The following CTNNA3 variants were observed in gnomAD, a reference collection of about 807,000 sequenced individuals.
The protein encoded by CTNNA3 is catenin alpha-3.
A neutral mutation model predicts 95.7 loss-of-function variants in CTNNA3; 76 were observed. That is an observed-to-expected ratio of 0.79 (90% confidence interval 0.66 to 0.96). The LOEUF (loss-of-function observed/expected upper bound fraction) is 0.96. Ranked by LOEUF, CTNNA3 falls within the 40% of genes least tolerant of loss-of-function variation. The pLI, the probability that CTNNA3 is intolerant of heterozygous loss-of-function variation, is 0.00. For synonymous variants in CTNNA3, 431 were observed against 374.4 expected (o/e 1.15, Z -1.74); for missense variants, 1,191 against 1,089.8 (o/e 1.09, Z -1.31).
At chr10:66,105,563 T>A (rs2081860786) in intron 13 of CTNNA3, among the ~76,000 whole-genome samples, 1 of 152,228 alleles carries the variant, frequency 6.6e-6, no homozygotes. Context: ...CCAAATAAAG[T>A]AACAAACTAA....
At position 67,116,748 on chromosome 10, in the gene CTNNA3, T is replaced by C. The variant is rs551633072; in HGVS notation, c.1047+63569A>G. ...TATATATATATATATATATATAATA[T>C]ATAAAATATGCTTTATGATTTTGTT... is the stretch of plus-strand genomic sequence containing the variant. On this transcript the variant is annotated intron_variant, in intron 7 of 17. Transcript: ENST00000433211. Among the ~76,000 whole-genome samples, 199 of 147,604 alleles carry C rather than the reference T, an allele frequency of 1.3e-3. 1 individual carries two copies. Among genetic ancestry groups the C allele is most frequent in the Non-Finnish European group, 2.7e-3 (180 of 67,068 alleles).
At chr10:65,934,352 C>A (rs2077302875) in intron 17 of CTNNA3, among the ~76,000 whole-genome samples, 1 of 152,090 alleles carries the variant, frequency 6.6e-6, no homozygotes, top group African/African-American at 2.4e-5. Context: ...TCACATCACA[C>A]CCATGTTCAA....
At chr10:67,275,282 C>T (rs145133320) in intron 5 of CTNNA3, among the ~76,000 whole-genome samples, 31 of 152,234 alleles carry the variant, frequency 2.0e-4, no homozygotes, top group Middle Eastern at 3.4e-3. Context: ...AATAACCACA[C>T]GTGCACACAT....
chr10:66,150,575 T>C (rs1473490156), intron 13 of CTNNA3, among the ~76,000 whole-genome samples: 2 of 152,026 alleles, frequency 1.3e-5, no homozygotes, highest in African/African-American at 4.8e-5. Context: ...GCATACGATG[T>C]GTAATGATCA....
At chr10:67,154,374 A>G (rs766187) in intron 7 of CTNNA3, among the ~76,000 whole-genome samples, 96,086 of 151,960 alleles carry the variant, frequency 0.63, 31,593 homozygotes, top group African/African-American at 0.82. Context: ...CATATTTCAG[A>G]GAGGAGATGG....
intron 8 of CTNNA3, among the ~76,000 whole-genome samples, chr10:66,768,315 C>T (rs1839947024): frequency 6.6e-6 from 1 of 152,006 alleles, no homozygotes; most frequent in African/African-American, 2.4e-5. Flanking sequence ...CATGAAGGGC[C>T]AGCATATGGG....
intron 7 of CTNNA3, among the ~76,000 whole-genome samples, chr10:67,010,894 T>C (rs1480653187): frequency 2.0e-5 from 3 of 152,200 alleles, no homozygotes; most frequent in East Asian, 3.8e-4. Context: ...TAACATTATT[T>C]CTTCTAAACC....
intron 7 of CTNNA3, among the ~76,000 whole-genome samples, chr10:66,907,117 CTGTT>C (rs1186895597): frequency 7.9e-5 from 12 of 152,152 alleles, no homozygotes; most frequent in South Asian, 2.1e-4. Context: ...AAATGTATCT[CTGTT>C]CATTCTGTCC....
intron 7 of CTNNA3, among the ~76,000 whole-genome samples, chr10:66,986,555 T>C (rs754495658): frequency 1.3e-5 from 2 of 152,040 alleles, no homozygotes; most frequent in African/African-American, 2.4e-5. Flanking sequence ...AAACAATACA[T>C]TGAAAAAACT....
At chr10:66,755,574 A>C (rs988740783) in intron 9 of CTNNA3, among the ~76,000 whole-genome samples, 8 of 152,150 alleles carry the variant, frequency 5.3e-5, no homozygotes, top group Admixed American at 2.6e-4. Flanking sequence ...AAAAATTATC[A>C]ATACGAAATA....
At chr10:67,245,944 C>T (rs760008162) in intron 5 of CTNNA3, among the ~76,000 whole-genome samples, 43 of 152,020 alleles carry the variant, frequency 2.8e-4, no homozygotes, top group Middle Eastern at 3.4e-3. Context: ...CTTCCTGCTC[C>T]CTTTTGGCTC....
At chr10:67,097,004 T>G (rs1858032347) in intron 7 of CTNNA3, among the ~76,000 whole-genome samples, 1 of 151,950 alleles carries the variant, frequency 6.6e-6, no homozygotes. Flanking sequence ...AATTCTCTTC[T>G]GCAATGGTTA....
intron 7 of CTNNA3, among the ~76,000 whole-genome samples, chr10:66,896,841 A>C (rs930057927): frequency 6.6e-6 from 1 of 152,122 alleles, no homozygotes; most frequent in African/African-American, 2.4e-5. Flanking sequence ...ATTCTGTAGG[A>C]GTCGGCTCAA....
chr10:65,943,156 T>A (rs2601756), intron 17 of CTNNA3, among the ~76,000 whole-genome samples: 19 of 151,406 alleles, frequency 1.3e-4, no homozygotes, highest in Non-Finnish European at 1.6e-4. Flanking sequence ...CTCCGCCTCC[T>A]GGGCTCACGC....
At chr10:66,750,824 G>A (rs1186519686) in intron 9 of CTNNA3, among the ~76,000 whole-genome samples, 1 of 152,192 alleles carries the variant, frequency 6.6e-6, no homozygotes, top group East Asian at 1.9e-4. Flanking sequence ...TGACAATACT[G>A]AGTTTTCCTG....
intron 11 of CTNNA3, among the ~76,000 whole-genome samples, chr10:66,409,378 T>A (rs556110244): frequency 1.6e-4 from 24 of 150,802 alleles, no homozygotes; most frequent in Non-Finnish European, 3.1e-4. Flanking sequence ...AATCTAATTC[T>A]ACAGAGAATT....
intron 7 of CTNNA3, among the ~76,000 whole-genome samples, chr10:67,006,029 A>T (rs182163037): frequency 2.0e-5 from 3 of 152,006 alleles, no homozygotes; most frequent in African/African-American, 7.2e-5. Context: ...ATTATTCAGC[A>T]TCTTATCTCA....
rs1470909616 is a variant in CTNNA3 at position 66,374,604 on chromosome 10, GCCTT to G, written c.1732+4544_1732+4547del. Reference sequence around the variant, plus strand: ...GCTCATATTCCATTTTGAAAGAAAAGCCTTTTTTTTTTTTTTTTTTTTTTTTTTG... The same window carrying G: ...GCTCATATTCCATTTTGAAAGAAAAGTTTTTTTTTTTTTTTTTTTTTTTTG... On this transcript the variant is annotated intron_variant, in intron 12 of 17. Coordinates refer to ENST00000433211, the MANE Select transcript of CTNNA3 (RefSeq NM_013266.4). Among the ~76,000 whole-genome samples, 292 of 129,034 alleles carry G rather than the reference GCCTT, an allele frequency of 2.3e-3. 9 individuals carry two copies. Among genetic ancestry groups the G allele is most frequent in the African/African-American group, 6.7e-3 (229 of 34,278 alleles). The allele number at this position is 129,034 out of a possible 152,430, so 84.7% of individuals were successfully genotyped here.
chr10:66,804,511 A>G (rs1021178747), intron 7 of CTNNA3, among the ~76,000 whole-genome samples: 1 of 152,006 alleles, frequency 6.6e-6, no homozygotes, highest in East Asian at 1.9e-4. Context: ...TTATGTCTAC[A>G]ATATACACTT....
Sources: gnomAD v4.1 joint callset for allele counts (sites outside exome capture counted in the v4.1 genomes callset) on GRCh38, gnomAD v4.1.1 for gene constraint, MANE v1.5 for transcripts, NCBI Gene and HGNC (gene_info 2026-07-23, HGNC 2026-07-21) for gene names.